Variants in SNTA1 observed in about 807,000 individuals in gnomAD.
The protein encoded by SNTA1 is alpha-1-syntrophin.
SNTA1 carries 31 observed loss-of-function variants against 47.1 expected under a neutral mutation model. That is an observed-to-expected ratio of 0.66 (90% CI 0.49 to 0.89). SNTA1 has a LOEUF of 0.89. Among genes scored for constraint, SNTA1 ranks in the 40% least tolerant of loss-of-function variants. SNTA1 has a pLI of 0.00. For missense variants in SNTA1, 575 were observed against 693.0 expected, an observed-to-expected ratio of 0.83 and a Z score of 1.91; for synonymous variants, 300 against 313.6, an observed-to-expected ratio of 0.96 and a Z score of 0.46.
In SNTA1 at chr20:33,426,935, C is replaced by T. The variant is rs184943967; in HGVS notation, c.497-9012G>A. Among the ~76,000 whole-genome samples the T allele has an allele frequency of 1.9e-3, 295 of 151,648 alleles. 1 individual carries two copies. The highest frequency in any genetic ancestry group is 3.5e-3 in the Non-Finnish European group (237 of 67,902). ...AAAATTAGCCAGGTGTGGTGGTGCACACCTATAATCCCAGCTACTCAGGAG... is the reference window on the plus strand; with the variant it reads ...AAAATTAGCCAGGTGTGGTGGTGCATACCTATAATCCCAGCTACTCAGGAG... On this transcript the variant is annotated intron_variant, in intron 2 of 7. Coordinates refer to ENST00000217381, the MANE Select transcript of SNTA1 (RefSeq NM_003098.3).
chr20:33,414,307 T>C (rs1328160661), intron 3 of SNTA1, among the ~76,000 whole-genome samples: 1 of 135,638 alleles, frequency 7.4e-6, no homozygotes, highest in East Asian at 2.3e-4. Flanking sequence ...CTAAAGAGGC[T>C]TGAGGCCAGG....
chr20:33,420,582 C>T (rs1240131916), intron 2 of SNTA1, among the ~76,000 whole-genome samples: 3 of 152,214 alleles, frequency 2.0e-5, no homozygotes, highest in African/African-American at 7.2e-5. Flanking sequence ...GTCCTGTCTT[C>T]CTCCCTGGCT....
intron 2 of SNTA1, among the ~76,000 whole-genome samples, chr20:33,432,027 G>A (rs1384186539): frequency 2.0e-5 from 3 of 152,162 alleles, no homozygotes; most frequent in Admixed American, 6.5e-5. Context: ...AGCTATGCGT[G>A]TGCACAGCCA....
intron 3 of SNTA1, among the ~76,000 whole-genome samples, chr20:33,415,258 A>C (rs1445803564): frequency 6.6e-6 from 1 of 152,182 alleles, no homozygotes; most frequent in Non-Finnish European, 1.5e-5. Context: ...GCGCACACTT[A>C]GAAACATATA....
At chr20:33,417,658 G>T in intron 3 of SNTA1, 61 bp downstream of exon 3, 4 of 1,202,958 alleles carry the variant, frequency 3.3e-6, no homozygotes, top group South Asian at 1.2e-5. Flanking sequence ...TCTTTCCATT[G>T]GTCCCACCAC....
At chr20:33,438,625 G>A (rs543392079) in intron 2 of SNTA1, among the ~76,000 whole-genome samples, 3 of 152,306 alleles carry the variant, frequency 2.0e-5, no homozygotes, top group East Asian at 3.9e-4. Context: ...CTGGAAGACA[G>A]AAAATGCAAA....
In SNTA1 at chr20:33,408,521, C is replaced by T. The variant is rs768377696; in HGVS notation, c.1504G>A (p.Gly502Arg). 9.3e-6 allele frequency: 15 copies of T among 1,613,744 alleles called. No individual in the cohort carries two copies. The East Asian group carries it at 1.6e-4, about 17-fold the overall frequency. ...SFLSAKVTRL[G>R]LLA The stretch of plus-strand genomic sequence containing the variant: ...TCCGGCGACTTCTAGGCCAACAGCC[C>T]GAGGCGGGTGACTTTGGCCGACAGG... Residue 502 changes from glycine to arginine, a missense_variant, in exon 8 of 8, where the codon GGG (glycine) becomes AGG (arginine). Coordinates refer to ENST00000217381, the MANE Select transcript of SNTA1 (RefSeq NM_003098.3).
intron 3 of SNTA1, among the ~76,000 whole-genome samples, chr20:33,416,938 CA>C (rs1161474406): frequency 0.068 from 3,800 of 56,044 alleles, 64 homozygotes; most frequent in African/African-American, 0.14. Flanking sequence ...GAGACTCTGT[CA>C]AAAAAAAAAA....
In SNTA1 at chr20:33,437,764, GAC is replaced by G. The variant is rs577907469; in HGVS notation, c.496+1075_496+1076del. ...AGGCCCCCACGGGGCTTCCAGAGCT[GAC>G]AGAGTTTGAGGAAAGGGCTGAGCAA... On this transcript the variant is annotated intron_variant, in intron 2 of 7. Coordinates refer to ENST00000217381, the MANE Select transcript of SNTA1 (RefSeq NM_003098.3). Among the ~76,000 whole-genome samples the G allele has an allele frequency of 1.0e-3, 154 of 152,304 alleles. 3 individuals carry two copies. Among genetic ancestry groups the G allele is most frequent in the Admixed American group, 9.4e-3 (144 of 15,288 alleles).
chr20:33,412,000 G>A (rs540166880), intron 5 of SNTA1, among the ~76,000 whole-genome samples: 1 of 152,348 alleles, frequency 6.6e-6, no homozygotes, highest in East Asian at 1.9e-4. Flanking sequence ...TCCCCAGCCA[G>A]ACAAGGTTCT....
chr20:33,410,383 T>G lies in SNTA1; in HGVS notation c.1041-52A>C, dbSNP rs375295290. The G allele has an allele frequency of 1.8e-4, 223 of 1,256,026 alleles. 1 individual carries two copies. The African/African-American group carries it at 3.0e-3, about 17-fold the overall frequency. The allele number at this position is 1,256,026 out of a possible 1,614,324, so 77.8% of individuals were successfully genotyped here. A position where few individuals can be genotyped will look rare whatever the true frequency, so the allele number is the denominator to read the frequency against. ...CATGAGGCCTCAGGCCGGAGGCAAA[T>G]AGTTCTGGGCAAAGGGGCCAGTGAC... On this transcript the variant is annotated intron_variant, in intron 5 of 7. Transcript: ENST00000217381.
chr20:33,436,595 G>A (rs1195346342), intron 2 of SNTA1, among the ~76,000 whole-genome samples: 1 of 152,026 alleles, frequency 6.6e-6, no homozygotes, highest in African/African-American at 2.4e-5. Flanking sequence ...CAGCACTTTG[G>A]GAGACTTAGG....
At chr20:33,416,868 A>G (rs1989888343) in intron 3 of SNTA1, among the ~76,000 whole-genome samples, 1 of 150,356 alleles carries the variant, frequency 6.7e-6, no homozygotes, top group Non-Finnish European at 1.5e-5. Flanking sequence ...TTGAACCTGG[A>G]AGGCAGAGGT....
intron 2 of SNTA1, among the ~76,000 whole-genome samples, chr20:33,426,418 T>C (rs1156459141): frequency 7.2e-6 from 1 of 138,468 alleles, no homozygotes; most frequent in Non-Finnish European, 1.5e-5. Flanking sequence ...CCCACTGCAC[T>C]CCAGCCAGGG....
At chr20:33,414,253 A>AAAAG (rs1345908420) in intron 3 of SNTA1, among the ~76,000 whole-genome samples, 77 of 136,680 alleles carry the variant, frequency 5.6e-4, no homozygotes, top group Non-Finnish European at 8.0e-4. Flanking sequence ...ACCAAAAAAA[A>AAAAG]AAAAAAAAAA....
chr20:33,419,828 A>G (rs147467759), intron 2 of SNTA1, among the ~76,000 whole-genome samples: 5 of 152,158 alleles, frequency 3.3e-5, no homozygotes, highest in Admixed American at 6.6e-5. Context: ...GGCCAATGAG[A>G]TGTGAGGAAA....
At chr20:33,436,014 G>C (rs915780640) in intron 2 of SNTA1, among the ~76,000 whole-genome samples, 2 of 152,118 alleles carry the variant, frequency 1.3e-5, no homozygotes, top group Non-Finnish European at 2.9e-5. Flanking sequence ...CTAACACGGT[G>C]AAACCACATC....
At chr20:33,427,211 A>AG (rs1990190443) in intron 2 of SNTA1, among the ~76,000 whole-genome samples, 1 of 152,192 alleles carries the variant, frequency 6.6e-6, no homozygotes, top group South Asian at 2.1e-4. Context: ...CTAGTGTGAC[A>AG]GTATAAGGGG....
intron 3 of SNTA1, among the ~76,000 whole-genome samples, chr20:33,413,694 G>A (rs1001305889): frequency 1.4e-4 from 21 of 149,374 alleles, no homozygotes; most frequent in Non-Finnish European, 2.7e-4. Context: ...TCGGGAGACT[G>A]AGCCAGGACG....
Sources: gnomAD v4.1 joint callset for allele counts (sites outside exome capture counted in the v4.1 genomes callset) on GRCh38, gnomAD v4.1.1 for gene constraint, MANE v1.5 for transcripts, NCBI Gene and HGNC (gene_info 2026-07-23, HGNC 2026-07-21) for gene names.